Variants in NUP155 observed in about 807,000 individuals in gnomAD.
NUP155 encodes nucleoporin 155, also known as nuclear pore complex protein Nup155.
A neutral mutation model predicts 180.4 loss-of-function variants in NUP155; 71 were observed. The ratio of observed to expected loss-of-function variants is 0.39; its 90% CI spans 0.33 to 0.48. NUP155 has a LOEUF of 0.48. NUP155 is among the 20% of genes least tolerant of loss of function. The pLI, the probability that NUP155 is intolerant of heterozygous loss-of-function variation, is 0.91. For synonymous variants in NUP155, 582 were observed against 559.5 expected (o/e 1.04, Z -0.57); for missense variants, 1,553 against 1,648.9 (o/e 0.94, Z 1.01).
intron 27 of NUP155, among the ~76,000 whole-genome samples, chr5:37,304,317 TA>T (rs1743033291): frequency 6.7e-6 from 1 of 149,286 alleles, no homozygotes; most frequent in Non-Finnish European, 1.5e-5. Context: ...TAAACTTTGA[TA>T]ACACAGCTAT....
intron 32 of NUP155, among the ~76,000 whole-genome samples, chr5:37,296,566 G>A (rs899915888): frequency 1.3e-5 from 2 of 151,542 alleles, no homozygotes; most frequent in Non-Finnish European, 2.9e-5. Context: ...CAGCCGCAGG[G>A]TCCTCTGCCT....
In NUP155 at chr5:37,318,392, CG is replaced by C. The variant is rs369033634; in HGVS notation, c.2208-308del. ...GGAGAGAAAGGAAGGAAGGAAATTA[CG>C]GAAGAGAAGAAACAAGCTAGATACA... On this transcript the variant is annotated intron_variant, in intron 20 of 34. Coordinates refer to ENST00000231498, the MANE Select transcript of NUP155 (RefSeq NM_153485.3). Among the ~76,000 whole-genome samples, 486 of 151,314 alleles carry C rather than the reference CG, an allele frequency of 3.2e-3. 1 individual carries two copies. The highest frequency in any genetic ancestry group is 0.01 in the African/African-American group (421 of 41,220).
intron 12 of NUP155, among the ~76,000 whole-genome samples, 172 bp from the exon 13 acceptor site, chr5:37,333,805 G>C (rs184176153): frequency 6.5e-4 from 98 of 151,752 alleles, no homozygotes; most frequent in Non-Finnish European, 1.1e-3. Flanking sequence ...GTATTTTCTG[G>C]GTTTTTGTTT....
intron 3 of NUP155, among the ~76,000 whole-genome samples, chr5:37,358,910 G>A (rs1340187246): frequency 5.9e-5 from 9 of 152,016 alleles, no homozygotes; most frequent in Non-Finnish European, 1.0e-4. Flanking sequence ...CCAGCTACTC[G>A]GGAGGGTGAG....
At position 37,290,965 on chromosome 5, in the gene NUP155, C is replaced by G. The variant is rs1178889025; in HGVS notation, c.*935G>C. 2 of 152,192 alleles carry G rather than the reference C, an allele frequency of 1.3e-5. No homozygotes were observed. The highest frequency in any genetic ancestry group is 2.9e-5 in the Non-Finnish European group (2 of 68,062). The allele number at this position is 152,192 out of a possible 1,614,324, so 9.4% of individuals were successfully genotyped here. Reference sequence around the variant, plus strand: ...ACTGCTCTAATGGAATCAGTAGTCACAAGGCCAAGCAGCCAGGTAGACACT... The same window carrying G: ...ACTGCTCTAATGGAATCAGTAGTCAGAAGGCCAAGCAGCCAGGTAGACACT... On this transcript the variant is annotated 3_prime_UTR_variant, in exon 35 of 35. Transcript: ENST00000231498.
Position 37,302,763 on chromosome 5 carries a change from G to T in NUP155, c.3447+16C>A. The T allele has an allele frequency of 6.2e-7, 1 of 1,613,392 alleles. No individual in the cohort carries two copies. On this transcript the variant is annotated intron_variant, in intron 29 of 34. Transcript: ENST00000231498. ...AGTACTCAATGTGGACACAGCTTAAGATCTTTAGCACTTACCTCCATTTTT... is the reference window on the plus strand; with the variant it reads ...AGTACTCAATGTGGACACAGCTTAATATCTTTAGCACTTACCTCCATTTTT...
chr5:37,341,423 G>A lies in NUP155; in HGVS notation c.1094-181C>T, dbSNP rs939963447. On this transcript the variant is annotated intron_variant, in intron 10 of 34. Coordinates refer to ENST00000231498, the MANE Select transcript of NUP155 (RefSeq NM_153485.3). ...GTCGCCCAGGCTGGAGTGCAGTGGCGCCATCTCGGCTTACTGCAACCTCCG... is the reference window on the plus strand; with the variant it reads ...GTCGCCCAGGCTGGAGTGCAGTGGCACCATCTCGGCTTACTGCAACCTCCG... 5.3e-5 allele frequency among the ~76,000 whole-genome samples: 8 copies of A among 152,266 alleles called. No homozygotes were observed. The South Asian group carries it at 1.0e-3, about 20-fold the overall frequency.
chr5:37,338,621 G>C (rs185034483), intron 11 of NUP155, among the ~76,000 whole-genome samples: 373 of 152,014 alleles, frequency 2.5e-3, no homozygotes, highest in African/African-American at 8.6e-3. Context: ...TAGCCAGGAT[G>C]GTCTCGATCT....
At chr5:37,325,559 A>AACAT (rs1744538461) in intron 19 of NUP155, among the ~76,000 whole-genome samples, 1 of 152,040 alleles carries the variant, frequency 6.6e-6, no homozygotes, top group Non-Finnish European at 1.5e-5. Flanking sequence ...GCTTGAGTCT[A>AACAT]GGAGTTTGAG....
In NUP155 at chr5:37,310,681, G is replaced by T. The variant is rs745458743; in HGVS notation, c.2499C>A (p.Leu833=). The T allele has an allele frequency of 1.2e-6, 2 of 1,613,814 alleles. No individual in the cohort carries two copies. The highest frequency in any genetic ancestry group is 2.2e-5 in the South Asian group (2 of 91,080). The change falls in exon 23 of 35, where the codon CTC becomes CTA. Residue 833 remains leucine, a synonymous_variant. Transcript: ENST00000231498. Reference sequence around the variant, plus strand: ...TAAGAGAAGCAATTAATGCCCCTGTGAGTTCTTTGTCCCTGATTACAAGAT... The same window carrying T: ...TAAGAGAAGCAATTAATGCCCCTGTTAGTTCTTTGTCCCTGATTACAAGAT... ...FKDLVIRDKE[L]TGALIASLIN... is the part of the protein sequence containing the mutation.
intron 31 of NUP155, 38 bp downstream of exon 31, chr5:37,299,410 C>T (rs550743180): frequency 6.2e-7 from 1 of 1,612,566 alleles, no homozygotes; most frequent in South Asian, 1.1e-5. Flanking sequence ...CAAGTCACTA[C>T]ATAACGTATG....
intron 3 of NUP155, among the ~76,000 whole-genome samples, chr5:37,360,096 C>A (rs1296710771): frequency 1.3e-5 from 2 of 151,110 alleles, no homozygotes; most frequent in Non-Finnish European, 2.9e-5. Context: ...CAAGCCTGGG[C>A]AACAGAGCGA....
In NUP155 at chr5:37,304,863, A is replaced by G. The variant is rs576064302; in HGVS notation, c.3058-20T>C. Reference sequence around the variant, plus strand: ...TTCAAACTAAAATAAAGAAAATAGTAAAAATTAGCAGTTAAAGGCTCTGTT... The same window carrying G: ...TTCAAACTAAAATAAAGAAAATAGTGAAAATTAGCAGTTAAAGGCTCTGTT... On this transcript the variant is annotated intron_variant, in intron 26 of 34. Transcript: ENST00000231498. 1 of 1,601,294 alleles carries G rather than the reference A, an allele frequency of 6.2e-7. No individual in the cohort carries two copies.
Position 37,358,148 on chromosome 5 carries a change from T to G in NUP155, c.396A>C (p.Gly132=). The part of the protein sequence containing the change: ...DIFMWNYEDG[G]DLAYFDGLSE... The stretch of plus-strand genomic sequence containing the variant: ...TAAGTCCATCAAAATAGGCAAGGTC[T>G]CCTCTGTGAATAAATGAAGAAAAAC... Residue 132 remains glycine, a synonymous_variant, in exon 4 of 35, where the codon GGA becomes GGC. Transcript: ENST00000231498. 1 of 1,610,988 alleles carries G rather than the reference T, an allele frequency of 6.2e-7. No individual in the cohort carries two copies. Among genetic ancestry groups the G allele is most frequent in the Non-Finnish European group, 8.5e-7 (1 of 1,177,288 alleles).
intron 30 of NUP155, among the ~76,000 whole-genome samples, chr5:37,300,464 T>C (rs1742802972): frequency 6.6e-6 from 1 of 151,344 alleles, no homozygotes; most frequent in Admixed American, 6.6e-5. Context: ...AAACAATGGG[T>C]TGAAGAATCA....
intron 22 of NUP155, among the ~76,000 whole-genome samples, chr5:37,313,878 T>C (rs1428726092): frequency 6.6e-6 from 1 of 152,314 alleles, no homozygotes; most frequent in East Asian, 1.9e-4. Flanking sequence ...GATATGCATT[T>C]CTTTAAGGGT....
intron 9 of NUP155, among the ~76,000 whole-genome samples, chr5:37,347,645 G>C (rs922281971): frequency 6.9e-6 from 1 of 144,120 alleles, no homozygotes; most frequent in African/African-American, 2.6e-5. Flanking sequence ...GCAGTGAGCC[G>C]AGACTGCACC....
At chr5:37,364,590 C>T (rs1747429099) in intron 1 of NUP155, among the ~76,000 whole-genome samples, 1 of 151,922 alleles carries the variant, frequency 6.6e-6, no homozygotes, top group Non-Finnish European at 1.5e-5. Flanking sequence ...AAGGGAAAGT[C>T]ATATCTCAAA....
rs1301759135 is a variant in NUP155, at chr5:37,341,148, G to C, written c.1188C>G (p.Phe396Leu). The C allele has an allele frequency of 6.2e-7, 1 of 1,613,952 alleles. No homozygotes were observed. Among genetic ancestry groups the C allele is most frequent in the Non-Finnish European group, 8.5e-7 (1 of 1,179,840 alleles). Residue 396 changes from phenylalanine to leucine, a missense_variant, in exon 11 of 35, where the codon TTC becomes TTG. By Grantham distance (22) the Phe-to-Leu change is conservative (BLOSUM62 0). Coordinates refer to ENST00000231498, the MANE Select transcript of NUP155 (RefSeq NM_153485.3). ...GCTTTTCCACGGTTGAAGATGCTGA[G>C]AATCCAGGAGGTAAGCGGACATGAA... ...TLVHVRLPPGFSASSTVEKPS... is the reference protein window; with the variant it reads ...TLVHVRLPPGLSASSTVEKPS...
Sources: allele counts gnomAD v4.1 joint callset (sites outside exome capture counted in the v4.1 genomes callset), GRCh38; gene constraint gnomAD v4.1.1; transcripts MANE v1.5; gene names NCBI Gene and HGNC (gene_info 2026-07-23, HGNC 2026-07-21).